The following CKAP5 variants were observed in gnomAD, a reference collection of about 807,000 sequenced individuals.
CKAP5 encodes cytoskeleton-associated protein 5.
In CKAP5, 27 loss-of-function variants were observed where a neutral mutation model predicts 232.8. That is an observed-to-expected ratio of 0.12 (90% CI 0.09 to 0.16). CKAP5 has a LOEUF of 0.16. Ranked by LOEUF, CKAP5 falls within the 10% of genes least tolerant of loss-of-function variation. The pLI is 1.00. For missense variants in CKAP5, 1,838 were observed against 2,424.7 expected, an observed-to-expected ratio of 0.76 and a Z score of 5.08; for synonymous variants, 785 against 841.1, an observed-to-expected ratio of 0.93 and a Z score of 1.16.
chr11:46,842,993 A>T (rs1277774653), intron 1 of CKAP5, among the ~76,000 whole-genome samples: 8 of 143,494 alleles, frequency 5.6e-5, no homozygotes, highest in Non-Finnish European at 1.2e-4. Context: ...AAAAAAAAAG[A>T]AGTAAGGTAG....
chr11:46,766,967 C>G (rs1313407780), intron 27 of CKAP5, among the ~76,000 whole-genome samples: 2 of 151,984 alleles, frequency 1.3e-5, no homozygotes, highest in African/African-American at 2.4e-5. Flanking sequence ...ATTTAACTTC[C>G]TTTTCTTAAA....
intron 1 of CKAP5, among the ~76,000 whole-genome samples, chr11:46,838,329 C>G (rs1939962966): frequency 1.3e-5 from 2 of 152,036 alleles, no homozygotes; most frequent in Admixed American, 1.3e-4. Flanking sequence ...TGTTAAGATA[C>G]TGCTTACACC....
In CKAP5 at chr11:46,827,596, G is replaced by C. The variant is rs1939684444; in HGVS notation, c.-37-6328C>G. Among the ~76,000 whole-genome samples, 3 of 151,978 alleles carry C rather than the reference G, an allele frequency of 2.0e-5. 1 individual carries two copies. The South Asian group carries it at 6.2e-4, about 32-fold the overall frequency. On this transcript the variant is annotated intron_variant, in intron 1 of 43. Transcript: ENST00000529230. Reference sequence around the variant, plus strand: ...AGACTGCACCACAGCACTCCACCCTGAACAACTAACCAAAACCATACCTCT... The same window carrying C: ...AGACTGCACCACAGCACTCCACCCTCAACAACTAACCAAAACCATACCTCT...
chr11:46,798,953 C>T (rs1426155654), intron 9 of CKAP5, among the ~76,000 whole-genome samples: 1 of 152,192 alleles, frequency 6.6e-6, no homozygotes, highest in African/African-American at 2.4e-5. Flanking sequence ...TGAAGGACAT[C>T]GTATCTTATG....
At chr11:46,841,847 A>C (rs1282614915) in intron 1 of CKAP5, among the ~76,000 whole-genome samples, 1 of 151,968 alleles carries the variant, frequency 6.6e-6, no homozygotes, top group Non-Finnish European at 1.5e-5. Flanking sequence ...AATACAAAAA[A>C]TTTAGGCGGG....
At position 46,776,241 on chromosome 11, in the gene CKAP5, T is replaced by C; in HGVS notation, c.2991+14A>G. ...TGACATGAGTAATGCACATGATTAA[T>C]TTATGATACTAACCTCTTGCCTCAA... is the stretch of plus-strand genomic sequence containing the variant. On this transcript the variant is annotated intron_variant, in intron 24 of 43. Transcript: ENST00000529230. 6.2e-7 allele frequency: 1 copy of C among 1,612,336 alleles called. No individual in the cohort carries two copies. The highest frequency in any genetic ancestry group is 8.5e-7 in the Non-Finnish European group (1 of 1,179,022).
chr11:46,797,790 A>T lies in CKAP5; in HGVS notation c.1338+15T>A. ...AGGTATAAAATATTCCCCCAACTTC[A>T]AAGAGAGTCTGTACCTTAAGTAGTG... On this transcript the variant is annotated intron_variant, in intron 11 of 43. Coordinates refer to ENST00000529230, the MANE Select transcript of CKAP5 (RefSeq NM_001008938.4). 6.3e-7 allele frequency: 1 copy of T among 1,585,646 alleles called. No homozygotes were observed. The highest frequency in any genetic ancestry group is 8.5e-7 in the Non-Finnish European group (1 of 1,171,776).
Position 46,762,133 on chromosome 11 carries a change from G to A in CKAP5, c.4088C>T (p.Thr1363Ile), listed in dbSNP as rs930908471. The A allele has an allele frequency of 6.2e-7, 1 of 1,614,094 alleles. No individual in the cohort carries two copies. The highest frequency in any genetic ancestry group is 8.5e-7 in the Non-Finnish European group (1 of 1,179,994). The change falls in exon 32 of 44, where the codon ACC becomes ATC. Residue 1363 changes from threonine (T) to isoleucine (I), a missense_variant. By Grantham distance (89) the Thr-to-Ile change is moderately conservative. Around this residue, in one of 6 missense-constraint regions of CKAP5, gnomAD observed 579 missense variants for 843.2 expected, o/e 0.69. Coordinates refer to ENST00000529230, the MANE Select transcript of CKAP5 (RefSeq NM_001008938.4). The stretch of plus-strand genomic sequence containing the variant: ...TATTTCCTTTAAGGCTTTTCCTGGG[G>A]TTGGTTGGCAAACATTCATGCCATA... Reference protein sequence around the residue: ...ESYGMNVCQPTPGKALKEIAV... With the variant: ...ESYGMNVCQPIPGKALKEIAV...
chr11:46,834,309 AG>A (rs1483759574), intron 1 of CKAP5, among the ~76,000 whole-genome samples: 40 of 152,152 alleles, frequency 2.6e-4, no homozygotes, highest in African/African-American at 9.6e-4. Flanking sequence ...ACTTGAGATC[AG>A]GAGTTCAAAA....
chr11:46,758,023 G>T (rs1264660919), intron 35 of CKAP5, among the ~76,000 whole-genome samples: 1 of 152,024 alleles, frequency 6.6e-6, no homozygotes, highest in Admixed American at 6.6e-5. Context: ...GAGCAGCTGG[G>T]ACTCCAGGCA....
rs183330217 is a variant in CKAP5 at position 46,805,159 on chromosome 11, C to T, written c.978+2872G>A. On this transcript the variant is annotated intron_variant, in intron 8 of 43. Transcript: ENST00000529230. ...CTGAGGCAGGAGAATCGCTTGAACT[C>T]GGGAGATGGAGGTTGCAGTGAGCTG... Among the ~76,000 whole-genome samples, 419 of 152,110 alleles carry T rather than the reference C, an allele frequency of 2.8e-3. 2 individuals are homozygous for T. Among genetic ancestry groups the T allele is most frequent in the African/African-American group, 9.6e-3 (397 of 41,526 alleles).
At chr11:46,833,724 G>A (rs1009966798) in intron 1 of CKAP5, among the ~76,000 whole-genome samples, 19 of 151,662 alleles carry the variant, frequency 1.3e-4, no homozygotes, top group Non-Finnish European at 2.2e-4. Context: ...TGATCCGCCC[G>A]CCTCGTCCTC....
chr11:46,753,453 T>C lies in CKAP5; in HGVS notation c.4914A>G (p.Val1638=). 6.2e-7 allele frequency: 1 copy of C among 1,613,848 alleles called. No individual in the cohort carries two copies. Among genetic ancestry groups the C allele is most frequent in the South Asian group, 1.1e-5 (1 of 91,050 alleles). ...ESLAREASTG[V]LKDLMHGLIT... ...TGAGGCCATGCATTAGGTCTTTTAG[T>C]ACTCCAGTGGAGGCCTCCCGGGCAA... Residue 1638 remains valine, a synonymous_variant, in exon 37 of 44, where the codon GTA becomes GTG. Transcript: ENST00000529230.
intron 8 of CKAP5, among the ~76,000 whole-genome samples, chr11:46,802,734 TA>T (rs1292431487): frequency 6.6e-6 from 1 of 152,182 alleles, no homozygotes; most frequent in African/African-American, 2.4e-5. Flanking sequence ...TGGTGTTCCA[TA>T]AGCAGAATGC....
intron 28 of CKAP5, 96 bp from the exon 29 acceptor site, chr11:46,763,726 T>C: frequency 1.3e-6 from 1 of 774,822 alleles, no homozygotes; most frequent in South Asian, 5.4e-5. Context: ...AATAAAATAT[T>C]TAAAAATTCA....
chr11:46,801,010 T>C lies in CKAP5; in HGVS notation c.1083+190A>G, dbSNP rs1442194025. Among the ~76,000 whole-genome samples, 3 of 152,354 alleles carry C rather than the reference T, an allele frequency of 2.0e-5. No individual in the cohort carries two copies. In the East Asian group the frequency reaches 5.8e-4, roughly 29 times the overall value. ...ACTTTCTACATAAGGCCTATAAATTTTGTTACAACTGACATCTACTGAAAT... is the reference window on the plus strand; with the variant it reads ...ACTTTCTACATAAGGCCTATAAATTCTGTTACAACTGACATCTACTGAAAT... On this transcript the variant is annotated intron_variant, in intron 9 of 43. Transcript: ENST00000529230.
chr11:46,750,638 A>G, intron 40 of CKAP5, 27 bp from the exon 41 acceptor site: 2 of 1,568,286 alleles, frequency 1.3e-6, no homozygotes, highest in Non-Finnish European at 1.8e-6. Flanking sequence ...CATAGGAAGA[A>G]TTGGTTAGAC....
chr11:46,838,793 C>CA (rs71042626), intron 1 of CKAP5, among the ~76,000 whole-genome samples: 41,810 of 45,898 alleles, frequency 0.91, 20,069 homozygotes, highest in Middle Eastern at 1. Flanking sequence ...GACCCCATCT[C>CA]AAAAAAAAAA....
rs1324064566 is a variant in CKAP5, at chr11:46,751,547, G to T, written c.5134-13C>A. 1.9e-6 allele frequency: 3 copies of T among 1,593,832 alleles called. No homozygotes were observed. The highest frequency in any genetic ancestry group is 2.6e-6 in the Non-Finnish European group (3 of 1,170,158). The stretch of plus-strand genomic sequence containing the variant: ...TTCTCCAGAGACACTATTGAAAAAA[G>T]AATAAAAGAGTTAGGAGTGACTGAA... On this transcript the variant is annotated splice_polypyrimidine_tract_variant and intron_variant, in intron 38 of 43. Coordinates refer to ENST00000529230, the MANE Select transcript of CKAP5 (RefSeq NM_001008938.4).
Sources: gnomAD v4.1 joint callset for allele counts (sites outside exome capture counted in the v4.1 genomes callset) on GRCh38, gnomAD v4.1.1 for gene constraint, gnomAD v4.1.1 regional missense constraint, MANE v1.5 for transcripts, NCBI Gene and HGNC (gene_info 2026-07-23, HGNC 2026-07-21) for gene names.